The following GON4L variants were observed in gnomAD, a reference collection of about 807,000 sequenced individuals.
The protein encoded by GON4L is gon-4 like, also known as GON-4-like protein.
A neutral mutation model predicts 211.8 loss-of-function variants in GON4L; 87 were observed. The ratio of observed to expected loss-of-function variants is 0.41; its 90% CI spans 0.35 to 0.49. The LOEUF is 0.49. GON4L is among the 20% of genes least tolerant of loss of function. The probability of loss-of-function intolerance (pLI) is 0.15; values close to 1 mark genes in which losing one functional copy is unlikely to be tolerated. For synonymous variants in GON4L, 875 were observed against 962.6 expected (o/e 0.91, Z 1.68); for missense variants, 2,155 against 2,659.5 (o/e 0.81, Z 4.17).
intron 11 of GON4L, among the ~76,000 whole-genome samples, chr1:155,804,676 AGTG>A (rs764277476): frequency 2.8e-4 from 43 of 151,368 alleles, no homozygotes; most frequent in Non-Finnish European, 4.6e-4. Flanking sequence ...CCAGCTACTC[AGTG>A]GGATAAGGGG....
intron 17 of GON4L, chr1:155,773,481 C>A: frequency 2.2e-6 from 1 of 462,566 alleles, no homozygotes; most frequent in Non-Finnish European, 3.9e-6. Context: ...TAAAAAGCAC[C>A]TAGTAAAATA....
chr1:155,856,723 T>C (rs1195003983), intron 1 of GON4L, among the ~76,000 whole-genome samples: 2 of 151,986 alleles, frequency 1.3e-5, no homozygotes, highest in African/African-American at 4.8e-5. Context: ...GGGCAGCTCT[T>C]TTATTTCACA....
chr1:155,829,126 C>G (rs1481420031), intron 2 of GON4L, among the ~76,000 whole-genome samples: 1 of 152,162 alleles, frequency 6.6e-6, no homozygotes, highest in Non-Finnish European at 1.5e-5. Flanking sequence ...AGCTTACTTC[C>G]ATCACACCAT....
chr1:155,786,020 C>T (rs1297496903), intron 12 of GON4L, among the ~76,000 whole-genome samples: 4 of 151,938 alleles, frequency 2.6e-5, no homozygotes, highest in Non-Finnish European at 5.9e-5. Context: ...GGCGTGAACC[C>T]GGGAGGCAGG....
At chr1:155,791,822 T>C (rs1447174558) in intron 12 of GON4L, among the ~76,000 whole-genome samples, 2 of 151,724 alleles carry the variant, frequency 1.3e-5, no homozygotes, top group Non-Finnish European at 2.9e-5. Context: ...GAGCTGAGAT[T>C]GCACCATTGC....
intron 10 of GON4L, among the ~76,000 whole-genome samples, chr1:155,805,984 T>C (rs1260553243): frequency 1.1e-5 from 1 of 92,982 alleles, no homozygotes; most frequent in Non-Finnish European, 2.1e-5. Flanking sequence ...CCACCATGCC[T>C]GGTGTTTTTT....
intron 5 of GON4L, 25 bp downstream of exon 5, chr1:155,821,449 A>T (rs746688976): frequency 1.4e-6 from 2 of 1,420,576 alleles, no homozygotes; most frequent in East Asian, 4.6e-5. Context: ...CCAAGACATT[A>T]AAAGAGTGAT....
At chr1:155,789,006 C>T (rs765196073) in intron 12 of GON4L, among the ~76,000 whole-genome samples, 2 of 150,178 alleles carry the variant, frequency 1.3e-5, no homozygotes, top group African/African-American at 2.5e-5. Flanking sequence ...AGGAGAATGG[C>T]GTGAACCTGG....
intron 27 of GON4L, among the ~76,000 whole-genome samples, chr1:155,755,315 C>T (rs191447980): frequency 1.3e-5 from 2 of 152,182 alleles, no homozygotes; most frequent in African/African-American, 4.8e-5. Context: ...GTAATCCGCC[C>T]GCCTTGGCCT....
intron 2 of GON4L, among the ~76,000 whole-genome samples, chr1:155,830,356 C>T (rs574479070): frequency 6.6e-6 from 1 of 152,052 alleles, no homozygotes; most frequent in African/African-American, 2.4e-5. Context: ...CAGCTCACCG[C>T]AACCTCCGCC....
In GON4L at chr1:155,777,775, T is replaced by C; in HGVS notation, c.1938A>G (p.Thr646=). ...TCAGCTGTTCAAATAGCTCCTTCAC[T>C]GTCCGATGTTGTTCATTTAACAGGT... ...LANLLNEQHR[T]VKELFEQLKM... is the part of the protein sequence containing the mutation. Residue 646 remains threonine (T), a synonymous_variant, in exon 15 of 32, where the codon ACA becomes ACG. Coordinates refer to ENST00000368331, the MANE Select transcript of GON4L (RefSeq NM_001282860.2). 6.2e-7 allele frequency: 1 copy of C among 1,613,472 alleles called. No homozygotes were observed. Among genetic ancestry groups the C allele is most frequent in the Non-Finnish European group, 8.5e-7 (1 of 1,179,374 alleles).
At chr1:155,830,045 G>A (rs1399597782) in intron 2 of GON4L, among the ~76,000 whole-genome samples, 1 of 151,814 alleles carries the variant, frequency 6.6e-6, no homozygotes, top group African/African-American at 2.4e-5. Context: ...CCGTATCCTA[G>A]GCTCAAGCAA....
chr1:155,807,721 A>AC (rs1667281632), intron 10 of GON4L, among the ~76,000 whole-genome samples: 1 of 150,334 alleles, frequency 6.7e-6, no homozygotes, highest in Non-Finnish European at 1.5e-5. Context: ...AAAAAAAAAA[A>AC]AAAAGAAAAT....
chr1:155,789,371 C>G (rs76659389), intron 12 of GON4L, among the ~76,000 whole-genome samples: 2 of 151,918 alleles, frequency 1.3e-5, no homozygotes, highest in Admixed American at 6.6e-5. Flanking sequence ...TAGGCTCATG[C>G]CTGTAAACCC....
chr1:155,774,511 G>A (rs528745205), intron 17 of GON4L, among the ~76,000 whole-genome samples: 9 of 152,032 alleles, frequency 5.9e-5, no homozygotes, highest in Non-Finnish European at 1.3e-4. Flanking sequence ...GTTTCACTGT[G>A]TTCGCCAGGA....
chr1:155,851,353 CA>C (rs372086000), intron 2 of GON4L, among the ~76,000 whole-genome samples: 75 of 135,458 alleles, frequency 5.5e-4, no homozygotes, highest in Admixed American at 8.2e-4. Context: ...GACTACGTCT[CA>C]AAAAAAAAAA....
At chr1:155,815,965 T>C in intron 7 of GON4L, 65 bp from the exon 8 acceptor site, 2 of 1,008,600 alleles carry the variant, frequency 2.0e-6, no homozygotes, top group South Asian at 1.3e-5. Context: ...ATTTGGAAAA[T>C]AAGGGGAAGA....
chr1:155,748,011 C>T, downstream of GON4L: 2 of 1,604,958 alleles, frequency 1.2e-6, no homozygotes, highest in South Asian at 1.1e-5. Context: ...CTATTAAACA[C>T]AGCTTTTGGT....
At chr1:155,781,566 G>A (rs565542610) in intron 14 of GON4L, among the ~76,000 whole-genome samples, 29 of 152,006 alleles carry the variant, frequency 1.9e-4, no homozygotes, top group African/African-American at 5.1e-4. Context: ...GGGTTCAAGC[G>A]ATTCTCCTGC....
Sources: allele counts gnomAD v4.1 joint callset (sites outside exome capture counted in the v4.1 genomes callset), GRCh38; gene constraint gnomAD v4.1.1; transcripts MANE v1.5; gene names NCBI Gene and HGNC (gene_info 2026-07-23, HGNC 2026-07-21).